Variants in ELMOD1 observed in about 807,000 individuals in gnomAD.
ELMOD1 encodes ELMO domain-containing protein 1.
Under a neutral mutation model 46.7 loss-of-function variants are expected in ELMOD1, and 21 were observed. That is an observed-to-expected ratio of 0.45 (90% CI 0.32 to 0.65). The LOEUF is 0.65. Among genes scored for constraint, ELMOD1 ranks in the 30% least tolerant of loss-of-function variants. ELMOD1 has a pLI of 0.04. For missense variants in ELMOD1, 348 were observed against 407.8 expected (o/e 0.85, Z 1.26); for synonymous variants, 122 against 138.2 (o/e 0.88, Z 0.82).
rs768451032 is a variant in ELMOD1 at position 107,630,494 on chromosome 11, C to T, written c.95C>T (p.Thr32Ile). The stretch of plus-strand genomic sequence containing the variant: ...CTGAAATTTGTAATGAGGAAGCTAA[C>T]TGGAAGATGTGAACTACAACGGATC... ...RCLKFVMRKLTGRCELQRICY... is the reference protein window; with the variant it reads ...RCLKFVMRKLIGRCELQRICY... The change falls in exon 3 of 12, where the codon ACT becomes ATT. Residue 32 changes from threonine to isoleucine, a missense_variant. Coordinates refer to ENST00000265840, the MANE Select transcript of ELMOD1 (RefSeq NM_018712.4). 22 of 1,609,334 alleles carry T rather than the reference C, an allele frequency of 1.4e-5. No homozygotes were observed. The highest frequency in any genetic ancestry group is 4.5e-5 in the South Asian group (4 of 89,884).
rs1191560327 is a variant in ELMOD1, at chr11:107,624,968, G to GA, written c.18-5443dup. On this transcript the variant is annotated intron_variant, in intron 2 of 11. Transcript: ENST00000265840. ...GATCTCTTCAGAAAAAGAATAATGT[G>GA]AAAAAACCACAGGGCCCCACACTAT... Among the ~76,000 whole-genome samples, 5 of 152,188 alleles carry GA rather than the reference G, an allele frequency of 3.3e-5. No homozygotes were observed. The East Asian group carries it at 9.7e-4, about 29-fold the overall frequency.
chr11:107,651,623 CA>C (rs1401648803), intron 9 of ELMOD1, among the ~76,000 whole-genome samples: 1 of 151,730 alleles, frequency 6.6e-6, no homozygotes, highest in Non-Finnish European at 1.5e-5. Context: ...AAAAACACTA[CA>C]ATCATTTAGC....
chr11:107,598,070 A>G (rs1865524030), intron 1 of ELMOD1, among the ~76,000 whole-genome samples: 2 of 152,208 alleles, frequency 1.3e-5, no homozygotes, highest in Admixed American at 6.5e-5. Flanking sequence ...ACAGTGGACA[A>G]CTGTCATTCT....
chr11:107,650,829 C>A, intron 8 of ELMOD1, 56 bp from the exon 9 acceptor site: 2 of 1,043,280 alleles, frequency 1.9e-6, no homozygotes, highest in South Asian at 1.7e-5. Flanking sequence ...ATTCTAGATT[C>A]TAAATTGTTT....
At chr11:107,637,427 T>C (rs1866248057) in intron 6 of ELMOD1, among the ~76,000 whole-genome samples, 1 of 152,164 alleles carries the variant, frequency 6.6e-6, no homozygotes, top group Non-Finnish European at 1.5e-5. Flanking sequence ...GTGTGGTGGC[T>C]CATGCCTGTA....
chr11:107,593,076 T>TACATTTAGGG, intron 1 of ELMOD1: 1 of 152,776 alleles, frequency 6.5e-6, no homozygotes, highest in Non-Finnish European at 1.5e-5. Flanking sequence ...ACAGATGTTT[T>TACATTTAGGG]ACATTTAGGG....
At chr11:107,621,621 G>A (rs1171272167) in intron 2 of ELMOD1, among the ~76,000 whole-genome samples, 1 of 65,812 alleles carries the variant, frequency 1.5e-5, no homozygotes, top group East Asian at 5.9e-4. Context: ...CTTCAACAAA[G>A]GCACATAGAT....
chr11:107,663,966 A>G (rs1465213785), intron 11 of ELMOD1, among the ~76,000 whole-genome samples: 4 of 152,064 alleles, frequency 2.6e-5, no homozygotes, highest in Admixed American at 2.6e-4. Context: ...AAAATTTTGC[A>G]TAATCTTTGT....
intron 5 of ELMOD1, among the ~76,000 whole-genome samples, chr11:107,632,734 A>G (rs1866161642): frequency 6.6e-6 from 1 of 152,192 alleles, no homozygotes; most frequent in Non-Finnish European, 1.5e-5. Flanking sequence ...AAAATTTAAG[A>G]CTACAACTGG....
At chr11:107,619,294 T>A (rs956157885) in intron 2 of ELMOD1, among the ~76,000 whole-genome samples, 1 of 152,240 alleles carries the variant, frequency 6.6e-6, no homozygotes, top group Admixed American at 6.5e-5. Context: ...TTGTACAGAA[T>A]ACTGTTTATC....
chr11:107,617,497 G>C (rs970356438), intron 1 of ELMOD1, among the ~76,000 whole-genome samples: 2 of 152,172 alleles, frequency 1.3e-5, no homozygotes, highest in African/African-American at 4.8e-5. Flanking sequence ...ATAACCTGAT[G>C]TACACTTTGT....
intron 2 of ELMOD1, among the ~76,000 whole-genome samples, chr11:107,628,847 T>C (rs1278582908): frequency 6.6e-6 from 1 of 152,082 alleles, no homozygotes; most frequent in East Asian, 1.9e-4. Flanking sequence ...ATTATTTTAC[T>C]ACCAATCAAT....
At chr11:107,629,225 C>T (rs985152370) in intron 2 of ELMOD1, among the ~76,000 whole-genome samples, 2 of 152,120 alleles carry the variant, frequency 1.3e-5, no homozygotes, top group African/African-American at 2.4e-5. Context: ...GAAAGGAACA[C>T]GGTCAAGGTT....
chr11:107,625,563 G>C, intron 2 of ELMOD1: 1 of 985,318 alleles, frequency 1.0e-6, no homozygotes, highest in Non-Finnish European at 1.2e-6. Context: ...CACAGGCAAG[G>C]GGCTACATGG....
At chr11:107,599,613 G>A (rs1865554925) in intron 1 of ELMOD1, among the ~76,000 whole-genome samples, 1 of 151,654 alleles carries the variant, frequency 6.6e-6, no homozygotes, top group African/African-American at 2.4e-5. Flanking sequence ...ATGGTGGCAT[G>A]TGCCTGTAAT....
At position 107,604,986 on chromosome 11, in the gene ELMOD1, CATCAG is replaced by C. The variant is rs376684551; in HGVS notation, c.-85-13116_-85-13112del. Among the ~76,000 whole-genome samples, 184 of 152,206 alleles carry C rather than the reference CATCAG, an allele frequency of 1.2e-3. 1 individual carries two copies. Among genetic ancestry groups the C allele is most frequent in the African/African-American group, 4.3e-3 (178 of 41,536 alleles). On this transcript the variant is annotated intron_variant, in intron 1 of 11. Coordinates refer to ENST00000265840, the MANE Select transcript of ELMOD1 (RefSeq NM_018712.4). ...ATAAAAGCAAACATTTTGCCAAAAG[CATCAG>C]ATTATATTGGCAAAATTATGTCCAT...
chr11:107,659,333 G>A (rs1866688984), intron 11 of ELMOD1, among the ~76,000 whole-genome samples: 1 of 152,080 alleles, frequency 6.6e-6, no homozygotes, highest in African/African-American at 2.4e-5. Context: ...TAGTTTTGAG[G>A]GAAGGTAGAG....
rs569413506 is a variant in ELMOD1, at chr11:107,646,730, G to A, written c.421-738G>A. The stretch of plus-strand genomic sequence containing the variant: ...AGCCTGGGCAACAGAGTAAGAGTCC[G>A]TCTCCAAAAAAAAGCAAAAAGAAAC... On this transcript the variant is annotated intron_variant, in intron 6 of 11. Coordinates refer to ENST00000265840, the MANE Select transcript of ELMOD1 (RefSeq NM_018712.4). Among the ~76,000 whole-genome samples the A allele has an allele frequency of 4.7e-5, 7 of 150,364 alleles. No homozygotes were observed. The South Asian group carries it at 1.1e-3, about 23-fold the overall frequency.
At chr11:107,646,814 A>G (rs1484469966) in intron 6 of ELMOD1, among the ~76,000 whole-genome samples, 2 of 151,634 alleles carry the variant, frequency 1.3e-5, no homozygotes, top group Admixed American at 1.3e-4. Flanking sequence ...GTTTTGATAT[A>G]ACATTAAAGC....
Sources: gnomAD v4.1 joint callset for allele counts (sites outside exome capture counted in the v4.1 genomes callset) on GRCh38, gnomAD v4.1.1 for gene constraint, MANE v1.5 for transcripts, NCBI Gene and HGNC (gene_info 2026-07-23, HGNC 2026-07-21) for gene names.